The following SSBP3 variants were observed in gnomAD, a reference collection of about 807,000 sequenced individuals.
SSBP3 encodes single stranded DNA binding protein 3.
In SSBP3, 5 loss-of-function variants were observed where a neutral mutation model predicts 69.6. That is an observed-to-expected ratio of 0.07 (90% confidence interval 0.04 to 0.15). The LOEUF (loss-of-function observed/expected upper bound fraction) is 0.15, where lower values mean the gene tolerates loss of function less well. Ranked by LOEUF, SSBP3 falls within the 10% of genes least tolerant of loss-of-function variation. SSBP3 has a pLI of 1.00. For synonymous variants in SSBP3, 196 were observed against 193.4 expected (o/e 1.01, Z -0.11); for missense variants, 312 against 534.0 (o/e 0.58, Z 4.10).
chr1:54,301,921 G>A (rs1380931258), intron 4 of SSBP3, among the ~76,000 whole-genome samples: 1 of 152,236 alleles, frequency 6.6e-6, no homozygotes, highest in Non-Finnish European at 1.5e-5. Flanking sequence ...CCCAAATTAT[G>A]TGTGCAAAGG....
chr1:54,253,743 C>A lies in SSBP3; in HGVS notation c.508-1883G>T, dbSNP rs145046302. On this transcript the variant is annotated intron_variant, in intron 7 of 17. Coordinates refer to ENST00000610401, the Ensembl canonical transcript of SSBP3. Reference sequence around the variant, plus strand: ...CTGTCTGGACTGGGGGATCCCAGGACATGGAGGTGGATGGGGGACCTTCAG... The same window carrying A: ...CTGTCTGGACTGGGGGATCCCAGGAAATGGAGGTGGATGGGGGACCTTCAG... Among the ~76,000 whole-genome samples the A allele has an allele frequency of 2.8e-3, 429 of 152,310 alleles. 4 individuals are homozygous for A. Among genetic ancestry groups the A allele is most frequent in the African/African-American group, 9.0e-3 (375 of 41,568 alleles).
At chr1:54,236,428 T>C (rs1175022187) in intron 14 of SSBP3, 1 of 152,156 alleles carries the variant, frequency 6.6e-6, no homozygotes. Flanking sequence ...GCCTATGTAT[T>C]TTTTATTTTT....
chr1:54,227,189 G>GGC (rs1553120731), intron 17 of SSBP3, 29 bp from the exon 18 acceptor site: 35 of 1,178,636 alleles, frequency 3.0e-5, no homozygotes, highest in Non-Finnish European at 4.1e-5. Flanking sequence ...GAAGGGGGGG[G>GGC]GGTGAGGATT....
chr1:54,318,151 G>A (rs1168772524), intron 4 of SSBP3, among the ~76,000 whole-genome samples: 1 of 152,160 alleles, frequency 6.6e-6, no homozygotes, highest in Admixed American at 6.5e-5. Flanking sequence ...TTTGAACCAA[G>A]GCAAATGAAC....
chr1:54,350,530 G>A (rs898317171), intron 4 of SSBP3, among the ~76,000 whole-genome samples: 16 of 152,314 alleles, frequency 1.1e-4, no homozygotes, highest in South Asian at 6.2e-4. Context: ...AGATTTATAC[G>A]CGTATGGCCT....
At chr1:54,246,408 G>A (rs535045101) in intron 9 of SSBP3, among the ~76,000 whole-genome samples, 1 of 152,318 alleles carries the variant, frequency 6.6e-6, no homozygotes, top group Admixed American at 6.5e-5. Flanking sequence ...CTTCCAGATG[G>A]AGTTCTTTTC....
chr1:54,279,789 C>T (rs1645357969), intron 5 of SSBP3, among the ~76,000 whole-genome samples: 1 of 152,250 alleles, frequency 6.6e-6, no homozygotes, highest in African/African-American at 2.4e-5. Context: ...ACACGCTGGC[C>T]TCTTGGATTT....
At position 54,395,689 on chromosome 1, in the gene SSBP3, TG is replaced by T. The variant is rs1396622903; in HGVS notation, c.276+6171del. Among the ~76,000 whole-genome samples the T allele has an allele frequency of 8.5e-5, 13 of 152,204 alleles. No individual in the cohort carries two copies. The East Asian group carries it at 2.5e-3, about 29-fold the overall frequency. ...AATCAGCATTCCCCCATTCTACAGA[TG>T]GGAAAACTGAGGCTCCCGGCCAGGA... On this transcript the variant is annotated intron_variant, in intron 4 of 17. Transcript: ENST00000610401.
chr1:54,301,225 C>T (rs1485937165), intron 4 of SSBP3, among the ~76,000 whole-genome samples: 2 of 152,162 alleles, frequency 1.3e-5, no homozygotes, highest in South Asian at 2.1e-4. Flanking sequence ...AACAGTTTTC[C>T]GCAACAGAAG....
At chr1:54,351,547 G>A (rs1646780688) in intron 4 of SSBP3, among the ~76,000 whole-genome samples, 1 of 152,108 alleles carries the variant, frequency 6.6e-6, no homozygotes, top group South Asian at 2.1e-4. Context: ...GAATTGTTGA[G>A]GCCACAAATG....
At chr1:54,272,615 G>A (rs1002530420) in intron 5 of SSBP3, among the ~76,000 whole-genome samples, 4 of 152,156 alleles carry the variant, frequency 2.6e-5, no homozygotes, top group Admixed American at 2.6e-4. Flanking sequence ...CAGCCCCGCA[G>A]GGGTCTCCAC....
intron 5 of SSBP3, among the ~76,000 whole-genome samples, chr1:54,262,456 G>A (rs643935): frequency 0.13 from 19,914 of 152,182 alleles, 1,441 homozygotes; most frequent in South Asian, 0.25. Flanking sequence ...AAGGCTGAAG[G>A]ACTTGGGAGA....
At chr1:54,368,791 C>T (rs918458660) in intron 4 of SSBP3, among the ~76,000 whole-genome samples, 10 of 152,196 alleles carry the variant, frequency 6.6e-5, no homozygotes, top group Non-Finnish European at 1.3e-4. Flanking sequence ...GACTAAAAAG[C>T]ACCCTGGATA....
intron 4 of SSBP3, among the ~76,000 whole-genome samples, chr1:54,283,876 T>C (rs1170648975): frequency 6.6e-6 from 1 of 152,226 alleles, no homozygotes; most frequent in Non-Finnish European, 1.5e-5. Flanking sequence ...GCTTATCCAT[T>C]AGCTGCATTA....
intron 4 of SSBP3, among the ~76,000 whole-genome samples, chr1:54,327,578 C>T (rs1646333438): frequency 6.6e-6 from 1 of 151,980 alleles, no homozygotes; most frequent in Admixed American, 6.6e-5. Flanking sequence ...CTTTCCCTTT[C>T]TCTCTCTCTT....
chr1:54,361,625 C>T (rs1236438811), intron 4 of SSBP3, among the ~76,000 whole-genome samples: 6 of 152,064 alleles, frequency 3.9e-5, no homozygotes, highest in Admixed American at 6.6e-5. Flanking sequence ...AACCTGTTCT[C>T]GCAGAACGTG....
At chr1:54,371,083 AG>A (rs1020478112) in intron 4 of SSBP3, among the ~76,000 whole-genome samples, 24 of 152,124 alleles carry the variant, frequency 1.6e-4, no homozygotes, top group African/African-American at 5.6e-4. Context: ...AGACCACCCA[AG>A]GGGGGGTATG....
At chr1:54,364,853 C>A (rs1306809240) in intron 4 of SSBP3, among the ~76,000 whole-genome samples, 2 of 152,226 alleles carry the variant, frequency 1.3e-5, no homozygotes, top group African/African-American at 2.4e-5. Context: ...CCTGCAACGT[C>A]AGCTTTTCTG....
At chr1:54,250,443 C>T (rs895858755) in intron 9 of SSBP3, among the ~76,000 whole-genome samples, 1 of 150,716 alleles carries the variant, frequency 6.6e-6, no homozygotes. Flanking sequence ...GAGCAGAGGG[C>T]TGTGGTTCTG....
Sources: allele counts gnomAD v4.1 joint callset (sites outside exome capture counted in the v4.1 genomes callset), GRCh38; gene constraint gnomAD v4.1.1; transcripts MANE v1.5; gene names NCBI Gene and HGNC (gene_info 2026-07-23, HGNC 2026-07-21).